Variants in STARD13 observed in about 807,000 individuals in gnomAD.
STARD13 encodes stAR-related lipid transfer protein 13.
A neutral mutation model predicts 106.4 loss-of-function variants in STARD13; 62 were observed. That is an observed-to-expected ratio of 0.58 (90% CI 0.48 to 0.72). The LOEUF is 0.72. STARD13 is among the 30% of genes least tolerant of loss of function. STARD13 has a pLI of 0.00. For missense variants in STARD13, 1,387 were observed against 1,424.0 expected (o/e 0.97, Z 0.42); for synonymous variants, 565 against 553.0 (o/e 1.02, Z -0.31).
chr13:33,412,290 T>C, the STARD13 span, among the ~76,000 whole-genome samples: 2 of 151,988 alleles, frequency 1.3e-5, no homozygotes, highest in African/African-American at 2.4e-5. Context: ...CATAGAAATA[T>C]GGTGTCATGT....
chr13:33,520,835 A>G, the STARD13 span, among the ~76,000 whole-genome samples: 2 of 152,128 alleles, frequency 1.3e-5, no homozygotes, highest in Non-Finnish European at 2.9e-5. Flanking sequence ...CTCTTCTCCC[A>G]TATTTCCATA....
the STARD13 span, among the ~76,000 whole-genome samples, chr13:33,578,043 G>A: frequency 3.3e-5 from 5 of 152,072 alleles, no homozygotes; most frequent in Non-Finnish European, 7.4e-5. Context: ...CTCATGGATT[G>A]GAAGAATCAA....
At chr13:33,232,754 C>G (rs1228165135) in intron 1 of STARD13, among the ~76,000 whole-genome samples, 2 of 152,192 alleles carry the variant, frequency 1.3e-5, no homozygotes, top group East Asian at 3.8e-4. Flanking sequence ...GTGCCTTCCT[C>G]AGGAAATCAA....
At chr13:33,138,465 T>G (rs1879357202) in intron 4 of STARD13, 3 of 147,822 alleles carry the variant, frequency 2.0e-5, no homozygotes, top group South Asian at 2.3e-4. Context: ...AAATTATATA[T>G]TCCTCAGAGA....
Position 33,243,983 on chromosome 13 carries a change from G to T in STARD13, c.169+41487C>A, listed in dbSNP as rs781328575. Among the ~76,000 whole-genome samples, 93 of 150,920 alleles carry T rather than the reference G, an allele frequency of 6.2e-4. 1 individual carries two copies. Among genetic ancestry groups the T allele is most frequent in the Non-Finnish European group, 1.1e-3 (76 of 67,812 alleles). ...AGGTTGAGTATCCCTTACCTGAAAT[G>T]CTTGGAACCAGAAGTGTTTCAGATT... On this transcript the variant is annotated intron_variant, in intron 1 of 13. Coordinates refer to ENST00000336934, the MANE Select transcript of STARD13 (RefSeq NM_178006.4).
the STARD13 span, chr13:33,524,502 A>G: frequency 6.2e-6 from 1 of 162,452 alleles, no homozygotes; most frequent in Non-Finnish European, 1.4e-5. Flanking sequence ...GAAAATTGAC[A>G]TAAAATGTAA....
exon 1 of STARD13, chr13:33,350,585 C>CG: frequency 7.2e-7 from 1 of 1,388,654 alleles, no homozygotes; most frequent in Non-Finnish European, 9.3e-7. Flanking sequence ...GCGCCACGCG[C>CG]GAGGACCGGG....
At chr13:33,440,865 C>G in the STARD13 span, among the ~76,000 whole-genome samples, 1 of 150,756 alleles carries the variant, frequency 6.6e-6, no homozygotes, top group Admixed American at 6.6e-5. Flanking sequence ...ATCCGCCCAC[C>G]TCGGCCTCTC....
the STARD13 span, among the ~76,000 whole-genome samples, chr13:33,368,474 G>A: frequency 6.6e-6 from 1 of 152,124 alleles, no homozygotes; most frequent in South Asian, 2.1e-4. Context: ...AATAATGAGT[G>A]ACTAGGATGG....
chr13:33,651,141 T>C, the STARD13 span, among the ~76,000 whole-genome samples: 6 of 152,262 alleles, frequency 3.9e-5, no homozygotes, highest in Non-Finnish European at 8.8e-5. Context: ...TTCCTTATTA[T>C]GTTTTAAAAA....
Position 33,342,874 on chromosome 13 carries a change from T to C in STARD13, c.124+7416A>G, listed in dbSNP as rs575444048. 2.6e-5 allele frequency among the ~76,000 whole-genome samples: 4 copies of C among 152,394 alleles called. No individual in the cohort carries two copies. In the East Asian group the frequency reaches 7.7e-4, roughly 29 times the overall value. On this transcript the variant is annotated intron_variant, in intron 1 of 5. Coordinates refer to the STARD13 transcript ENST00000567873. ...CGTATGTACTAATAGTACTTGCATATGGACATATTTATGTCCAAATATTGC... is the reference window on the plus strand; with the variant it reads ...CGTATGTACTAATAGTACTTGCATACGGACATATTTATGTCCAAATATTGC...
At chr13:33,146,932 A>T (rs1282338081) in intron 3 of STARD13, among the ~76,000 whole-genome samples, 1 of 152,252 alleles carries the variant, frequency 6.6e-6, no homozygotes, top group African/African-American at 2.4e-5. Flanking sequence ...GTAGCCTTGC[A>T]TCCACTGGAG....
At chr13:33,297,573 G>A (rs762873324) in intron 1 of STARD13, among the ~76,000 whole-genome samples, 62 of 150,762 alleles carry the variant, frequency 4.1e-4, no homozygotes, top group Non-Finnish European at 8.0e-4. Context: ...AAAATTGTGT[G>A]GTATAGACTA....
At chr13:33,296,906 A>T (rs535349647) in intron 1 of STARD13, among the ~76,000 whole-genome samples, 1 of 152,236 alleles carries the variant, frequency 6.6e-6, no homozygotes, top group Non-Finnish European at 1.5e-5. Context: ...GGCATGAGCC[A>T]CTGCGCCCGG....
chr13:33,419,230 A>C, the STARD13 span, among the ~76,000 whole-genome samples: 1 of 152,208 alleles, frequency 6.6e-6, no homozygotes, highest in Admixed American at 6.5e-5. Flanking sequence ...AACAGGTTAG[A>C]TGAATGGGTA....
At chr13:33,279,035 A>T (rs1594209096) in intron 1 of STARD13, among the ~76,000 whole-genome samples, 1 of 152,152 alleles carries the variant, frequency 6.6e-6, no homozygotes, top group East Asian at 1.9e-4. Flanking sequence ...TAGATCATTC[A>T]AATATCTGGT....
chr13:33,673,449 G>T, the STARD13 span, among the ~76,000 whole-genome samples: 1 of 151,696 alleles, frequency 6.6e-6, no homozygotes. Flanking sequence ...CATATAGGTA[G>T]TAAGTTACAC....
chr13:33,363,789 T>C, the STARD13 span, among the ~76,000 whole-genome samples: 1 of 152,210 alleles, frequency 6.6e-6, no homozygotes. Context: ...TCTGCATCCC[T>C]AGTAGTGAAT....
the STARD13 span, among the ~76,000 whole-genome samples, chr13:33,553,947 C>G: frequency 2.0e-5 from 3 of 151,992 alleles, no homozygotes; most frequent in African/African-American, 4.8e-5. Context: ...GTTTAGTTTT[C>G]AGGATTCACA....
Sources: gnomAD v4.1 joint callset for allele counts (sites outside exome capture counted in the v4.1 genomes callset) on GRCh38, gnomAD v4.1.1 for gene constraint, MANE v1.5 for transcripts, NCBI Gene and HGNC (gene_info 2026-07-23, HGNC 2026-07-21) for gene names.